HMOX2: variants seen among roughly 807,000 people sequenced by gnomAD.
HMOX2 encodes heme oxygenase (decycling) 2.
In HMOX2, 30 loss-of-function variants were observed where a neutral mutation model predicts 33.7. The ratio of observed to expected loss-of-function variants is 0.89; its 90% CI spans 0.67 to 1.21. The LOEUF (loss-of-function observed/expected upper bound fraction) is 1.21. Among genes scored for constraint, HMOX2 ranks in the 50% most tolerant of loss-of-function variants. The probability of loss-of-function intolerance (pLI) is 0.00; values close to 1 mark genes in which losing one functional copy is unlikely to be tolerated. For missense variants in HMOX2, 403 were observed against 399.1 expected, an observed-to-expected ratio of 1.01 and a Z score of -0.08; for synonymous variants, 155 against 155.0, an observed-to-expected ratio of 1.00 and a Z score of 0.00.
intron 1 of HMOX2, among the ~76,000 whole-genome samples, chr16:4,497,633 G>A (rs763387500): frequency 4.6e-5 from 7 of 152,124 alleles, no homozygotes; most frequent in Non-Finnish European, 1.0e-4. Context: ...TCTGTCCTTG[G>A]TGTCTGTCTT....
In HMOX2 at chr16:4,508,066, C is replaced by G; in HGVS notation, c.558C>G (p.Phe186Leu). 6.2e-7 allele frequency: 1 copy of G among 1,614,106 alleles called. No homozygotes were observed. The change falls in exon 4 of 6, where the codon TTC becomes TTG. Residue 186 changes from phenylalanine to leucine, a missense_variant. Coordinates refer to ENST00000570646, the MANE Select transcript of HMOX2 (RefSeq NM_002134.4). ...CCAGCACAGGGGAAGGGACCCAGTT[C>G]TACCTGTTTGAGAATGTGGACAATG... Reference protein sequence around the residue: ...KLPSTGEGTQFYLFENVDNAQ... With the variant: ...KLPSTGEGTQLYLFENVDNAQ...
At chr16:4,485,833 T>C (rs551166541) in intron 1 of HMOX2, among the ~76,000 whole-genome samples, 75 of 152,164 alleles carry the variant, frequency 4.9e-4, no homozygotes, top group Non-Finnish European at 8.7e-4. Flanking sequence ...CAAACAATTC[T>C]CCTACCTCTG....
intron 1 of HMOX2, among the ~76,000 whole-genome samples, chr16:4,487,938 C>T (rs564577893): frequency 5.6e-4 from 73 of 129,858 alleles, no homozygotes; most frequent in African/African-American, 1.8e-3. Context: ...GCAACAAGAG[C>T]GAAACTCTGT....
intron 1 of HMOX2, chr16:4,502,755 G>C (rs1343499555): frequency 1.3e-5 from 2 of 152,168 alleles, no homozygotes; most frequent in Non-Finnish European, 2.9e-5. Context: ...GTCTTACTTT[G>C]TCGGCCAGGC....
chr16:4,492,364 A>G (rs1033395442), intron 1 of HMOX2, among the ~76,000 whole-genome samples: 3 of 151,892 alleles, frequency 2.0e-5, no homozygotes, highest in Non-Finnish European at 2.9e-5. Context: ...AATGGTTTAC[A>G]CTGAGGGTCA....
intron 1 of HMOX2, among the ~76,000 whole-genome samples, chr16:4,479,231 G>A (rs2057952322): frequency 6.6e-6 from 1 of 152,214 alleles, no homozygotes; most frequent in East Asian, 1.9e-4. Context: ...TTGGGAGGCT[G>A]AGGCAGGAAG....
In HMOX2 at chr16:4,506,918, TGAAG is replaced by T; in HGVS notation, c.116_119del (p.Glu39GlyfsTer19). ...AGAATGGCTGACCTCTCGGAGCTCC[TGAAG>T]GAAGGGACCAAGGAAGCACACGACC... On this transcript the variant is annotated frameshift_variant, in exon 3 of 6. Coordinates refer to ENST00000570646, the MANE Select transcript of HMOX2 (RefSeq NM_002134.4). LOFTEE classifies it high-confidence loss of function. 2 of 1,613,720 alleles carry T rather than the reference TGAAG, an allele frequency of 1.2e-6. No homozygotes were observed. Among genetic ancestry groups the T allele is most frequent in the Non-Finnish European group, 1.7e-6 (2 of 1,179,708 alleles).
chr16:4,489,383 G>A (rs2058252791), intron 1 of HMOX2, among the ~76,000 whole-genome samples: 1 of 152,028 alleles, frequency 6.6e-6, no homozygotes, highest in South Asian at 2.1e-4. Context: ...CACAGTCATG[G>A]GCTCAAGTGA....
chr16:4,491,633 CAA>C (rs1209948895), intron 1 of HMOX2, among the ~76,000 whole-genome samples: 1 of 151,954 alleles, frequency 6.6e-6, no homozygotes, highest in East Asian at 1.9e-4. Flanking sequence ...GCCTGGGTGA[CAA>C]AGTGAGACTC....
chr16:4,482,468 C>T (rs569335352), intron 1 of HMOX2, among the ~76,000 whole-genome samples: 9 of 152,272 alleles, frequency 5.9e-5, no homozygotes, highest in African/African-American at 1.2e-4. Context: ...CACACCGGTG[C>T]GGTGTCCTCT....
At chr16:4,503,153 A>G (rs887412990) in intron 1 of HMOX2, among the ~76,000 whole-genome samples, 1 of 152,030 alleles carries the variant, frequency 6.6e-6, no homozygotes, top group South Asian at 2.1e-4. Context: ...AAAAGAAAAC[A>G]TTTATAAATC....
At chr16:4,482,752 G>A (rs1351304498) in intron 1 of HMOX2, among the ~76,000 whole-genome samples, 1 of 152,184 alleles carries the variant, frequency 6.6e-6, no homozygotes, top group African/African-American at 2.4e-5. Flanking sequence ...AGATGGCTGG[G>A]CGTGCTGGTT....
In HMOX2 at chr16:4,487,082, C is replaced by A. The variant is rs541496191; in HGVS notation, c.-42+10595C>A. Among the ~76,000 whole-genome samples, 9 of 151,970 alleles carry A rather than the reference C, an allele frequency of 5.9e-5. 1 individual carries two copies. Among genetic ancestry groups the A allele is most frequent in the Admixed American group, 2.0e-4 (3 of 15,246 alleles). On this transcript the variant is annotated intron_variant, in intron 1 of 5. Transcript: ENST00000570646. The stretch of plus-strand genomic sequence containing the variant: ...GACCAACCTGGGCAACATAGTGAGA[C>A]CCTGTCTCTACAAAAAAATTTTTAA...
At chr16:4,485,271 C>T (rs1362423224) in intron 1 of HMOX2, among the ~76,000 whole-genome samples, 3 of 152,110 alleles carry the variant, frequency 2.0e-5, no homozygotes, top group African/African-American at 7.2e-5. Context: ...AGGCCTTTTT[C>T]TGAATATTTT....
intron 1 of HMOX2, among the ~76,000 whole-genome samples, chr16:4,498,327 A>G (rs1324487010): frequency 6.6e-6 from 1 of 151,342 alleles, no homozygotes; most frequent in African/African-American, 2.4e-5. Context: ...CGGCCTCCCA[A>G]AGTGCTGGGA....
intron 1 of HMOX2, among the ~76,000 whole-genome samples, chr16:4,480,171 C>G (rs1413332117): frequency 1.3e-5 from 2 of 151,658 alleles, no homozygotes; most frequent in East Asian, 3.9e-4. Flanking sequence ...CCTCAGCCTT[C>G]CAAGTAACTG....
At chr16:4,508,232 G>T (rs372467895) in intron 4 of HMOX2, 28 bp downstream of exon 4, 3 of 1,567,932 alleles carry the variant, frequency 1.9e-6, no homozygotes, top group Non-Finnish European at 2.6e-6. Context: ...CAGCTGCTAG[G>T]GCTGAAGAGG....
In HMOX2 at chr16:4,500,691, G is replaced by T. The variant is rs116238448; in HGVS notation, c.-41-4793G>T. On this transcript the variant is annotated intron_variant, in intron 1 of 5. Coordinates refer to ENST00000570646, the MANE Select transcript of HMOX2 (RefSeq NM_002134.4). The stretch of plus-strand genomic sequence containing the variant: ...CACTGAGTTACCTGACCTGAAATTT[G>T]TTGGACTTAGTCTCCATGGAGGAGG... 2.1e-3 allele frequency among the ~76,000 whole-genome samples: 313 copies of T among 152,288 alleles called. 5 individuals are homozygous for T. The highest frequency in any genetic ancestry group is 7.3e-3 in the African/African-American group (302 of 41,562).
Position 4,487,627 on chromosome 16 carries a change from C to T in HMOX2, c.-42+11140C>T, listed in dbSNP as rs562584522. Among the ~76,000 whole-genome samples the T allele has an allele frequency of 5.3e-5, 8 of 152,142 alleles. No individual in the cohort carries two copies. In the South Asian group the frequency reaches 1.2e-3, roughly 24 times the overall value. ...GACCATCCTGTGAATGGCGAAACCC[C>T]GTCTCCACTAAAAATACAAAAAATT... On this transcript the variant is annotated intron_variant, in intron 1 of 5. Coordinates refer to ENST00000570646, the MANE Select transcript of HMOX2 (RefSeq NM_002134.4).
Sources: gnomAD v4.1 joint callset for allele counts (sites outside exome capture counted in the v4.1 genomes callset) on GRCh38, gnomAD v4.1.1 for gene constraint, MANE v1.5 for transcripts, NCBI Gene and HGNC (gene_info 2026-07-23, HGNC 2026-07-21) for gene names.